ST3GAL2: variants seen among roughly 807,000 people sequenced by gnomAD.
ST3GAL2 encodes the protein CMP-N-acetylneuraminate-beta-galactosamide-alpha-2,3-sialyltransferase 2.
Under a neutral mutation model 37.5 loss-of-function variants are expected in ST3GAL2, and 16 were observed. The ratio of observed to expected loss-of-function variants is 0.43; its 90% CI spans 0.29 to 0.65. The LOEUF (loss-of-function observed/expected upper bound fraction) is 0.65. Among genes scored for constraint, ST3GAL2 ranks in the 30% least tolerant of loss-of-function variants. The pLI, the probability that ST3GAL2 is intolerant of heterozygous loss-of-function variation, is 0.17. For synonymous variants in ST3GAL2, 238 were observed against 202.9 expected (o/e 1.17, Z -1.47); for missense variants, 383 against 487.8 (o/e 0.79, Z 2.02).
chr16:70,420,242 C>A (rs186126474), intron 1 of ST3GAL2, among the ~76,000 whole-genome samples: 29 of 152,082 alleles, frequency 1.9e-4, no homozygotes, highest in Middle Eastern at 3.4e-3. Flanking sequence ...TTGGAGAAAG[C>A]CTTTTGTATG....
chr16:70,412,975 A>C (rs1268000372), intron 1 of ST3GAL2, among the ~76,000 whole-genome samples: 1 of 152,214 alleles, frequency 6.6e-6, no homozygotes, highest in Non-Finnish European at 1.5e-5. Flanking sequence ...GAGGCTGGGC[A>C]CGGTGGCACA....
intron 1 of ST3GAL2, among the ~76,000 whole-genome samples, chr16:70,402,066 G>A (rs1283304741): frequency 9.4e-5 from 14 of 149,074 alleles, no homozygotes; most frequent in African/African-American, 3.2e-4. Flanking sequence ...TTCGGAGGCC[G>A]AGGCGGGTGG....
chr16:70,418,858 G>A lies in ST3GAL2; in HGVS notation c.-1003-19325C>T, dbSNP rs560924793. ...TTCAACCCTCTCCTCCCCCACCCACGCACCTGGGGCAGGAAATCAGCTGGT... is the reference window on the plus strand; with the variant it reads ...TTCAACCCTCTCCTCCCCCACCCACACACCTGGGGCAGGAAATCAGCTGGT... On this transcript the variant is annotated intron_variant, in intron 1 of 6. Transcript: ENST00000342907. 3.3e-5 allele frequency among the ~76,000 whole-genome samples: 5 copies of A among 152,212 alleles called. No homozygotes were observed. The South Asian group carries it at 6.2e-4, about 19-fold the overall frequency.
chr16:70,426,579 T>A lies in ST3GAL2; in HGVS notation c.-1004+12370A>T, dbSNP rs571254786. On this transcript the variant is annotated intron_variant, in intron 1 of 6. Transcript: ENST00000342907. ...TAGACTGGAGTGCAATGGCGCAATC[T>A]CGGCTCACCACAACCTCTGCCTCCC... Among the ~76,000 whole-genome samples, 31 of 150,622 alleles carry A rather than the reference T, an allele frequency of 2.1e-4. No individual in the cohort carries two copies. In the South Asian group the frequency reaches 6.5e-3, roughly 32 times the overall value.
Position 70,382,793 on chromosome 16 carries a change from G to C in ST3GAL2, c.879+12C>G. The C allele has an allele frequency of 6.2e-7, 1 of 1,613,778 alleles. No individual in the cohort carries two copies. The highest frequency in any genetic ancestry group is 1.1e-5 in the South Asian group (1 of 91,038). On this transcript the variant is annotated intron_variant, in intron 6 of 6. Coordinates refer to ENST00000342907, the MANE Select transcript of ST3GAL2 (RefSeq NM_006927.4). Reference sequence around the variant, plus strand: ...CATGGGTTCCCACCACCCACACCACGGGCCTACCCACCTCATCACACACAT... The same window carrying C: ...CATGGGTTCCCACCACCCACACCACCGGCCTACCCACCTCATCACACACAT...
At chr16:70,434,576 CCTG>C (rs1182762774) in intron 1 of ST3GAL2, among the ~76,000 whole-genome samples, 8 of 152,312 alleles carry the variant, frequency 5.3e-5, no homozygotes, top group African/African-American at 1.4e-4. Context: ...CCCAGATCCT[CCTG>C]CTGTCTGTTT....
intron 4 of ST3GAL2, among the ~76,000 whole-genome samples, chr16:70,385,698 CTTT>C (rs1034830291): frequency 6.5e-5 from 6 of 92,210 alleles, no homozygotes; most frequent in Non-Finnish European, 1.2e-4. Flanking sequence ...TTTTTTGGTT[CTTT>C]TTTTTTTTTT....
At chr16:70,395,237 C>T in intron 2 of ST3GAL2, 62 bp from the exon 3 acceptor site, 4 of 1,446,212 alleles carry the variant, frequency 2.8e-6, no homozygotes, top group Non-Finnish European at 3.8e-6. Flanking sequence ...GAAGGAGGGG[C>T]CCCGGCCTCC....
intron 5 of ST3GAL2, 29 bp from the exon 6 acceptor site, chr16:70,382,953 G>T (rs748295404): frequency 5.0e-6 from 8 of 1,608,632 alleles, no homozygotes; most frequent in Non-Finnish European, 6.8e-6. Context: ...ACAGGTATAT[G>T]AGGGGTTTAG....
At chr16:70,405,100 G>A (rs1376897562) in intron 1 of ST3GAL2, among the ~76,000 whole-genome samples, 2 of 150,664 alleles carry the variant, frequency 1.3e-5, no homozygotes, top group African/African-American at 4.9e-5. Flanking sequence ...GTGCCAACAT[G>A]GAAACAACTC....
chr16:70,412,704 G>A (rs2047647291), intron 1 of ST3GAL2, among the ~76,000 whole-genome samples: 1 of 152,092 alleles, frequency 6.6e-6, no homozygotes, highest in Non-Finnish European at 1.5e-5. Flanking sequence ...CCTGTTTGAT[G>A]TTCATGCTGT....
intron 1 of ST3GAL2, among the ~76,000 whole-genome samples, chr16:70,421,888 C>T (rs1303563307): frequency 6.6e-6 from 1 of 152,146 alleles, no homozygotes; most frequent in Non-Finnish European, 1.5e-5. Flanking sequence ...GGCATCCCCA[C>T]CCCATATGTG....
chr16:70,424,364 G>A (rs949806736), intron 1 of ST3GAL2, among the ~76,000 whole-genome samples: 2 of 150,628 alleles, frequency 1.3e-5, no homozygotes, highest in African/African-American at 4.9e-5. Context: ...CACTTTGGGA[G>A]GCCGAGGCAG....
At chr16:70,411,625 G>C (rs2151670170) in intron 1 of ST3GAL2, among the ~76,000 whole-genome samples, 1 of 152,228 alleles carries the variant, frequency 6.6e-6, no homozygotes, top group South Asian at 2.1e-4. Flanking sequence ...CACACTTCTT[G>C]TTATAAACTA....
intron 4 of ST3GAL2, among the ~76,000 whole-genome samples, chr16:70,385,028 G>A (rs947356892): frequency 2.6e-5 from 4 of 151,806 alleles, no homozygotes; most frequent in African/African-American, 9.7e-5. Context: ...CAAACAGGCC[G>A]GGTGCGGTGG....
chr16:70,416,528 C>T (rs1044623347), intron 1 of ST3GAL2, among the ~76,000 whole-genome samples: 2 of 152,152 alleles, frequency 1.3e-5, no homozygotes, highest in Non-Finnish European at 2.9e-5. Context: ...ATATAGGAGG[C>T]ATCAATAAAT....
In ST3GAL2 at chr16:70,399,508, G is replaced by A. The variant is rs144917300; in HGVS notation, c.-978C>T. The stretch of plus-strand genomic sequence containing the variant: ...CCTGGCAGGTTCCCCTTCACATGTC[G>A]GGCGCCAGGCTGCCGCAGCACGACC... On this transcript the variant is annotated 5_prime_UTR_variant, in exon 2 of 7. Coordinates refer to ENST00000342907, the MANE Select transcript of ST3GAL2 (RefSeq NM_006927.4). 5.9e-4 allele frequency: 235 copies of A among 398,284 alleles called. 1 individual carries two copies. Among genetic ancestry groups the A allele is most frequent in the East Asian group, 3.6e-3 (102 of 28,072 alleles). The allele number at this position is 398,284 out of a possible 1,614,324, so 24.7% of individuals were successfully genotyped here. A position where few individuals can be genotyped will look rare whatever the true frequency, so the allele number is the denominator to read the frequency against.
Position 70,398,432 on chromosome 16 carries a change from C to T in ST3GAL2, c.99G>A (p.Thr33=), listed in dbSNP as rs761553275. ...GGGCCCCTGAGTCCAGGTAGGGGAG[C>T]GTGGCCATGCTGTGGTGCGAGTAGG... ...LFTYSHHSMA[T]LPYLDSGALD... is the part of the protein sequence containing the mutation. Residue 33 remains threonine (T), a synonymous_variant, in exon 2 of 7, where the codon ACG becomes ACA. Coordinates refer to ENST00000342907, the MANE Select transcript of ST3GAL2 (RefSeq NM_006927.4). 1 of 1,613,668 alleles carries T rather than the reference C, an allele frequency of 6.2e-7. No homozygotes were observed. Among genetic ancestry groups the T allele is most frequent in the Non-Finnish European group, 8.5e-7 (1 of 1,180,000 alleles).
intron 1 of ST3GAL2, among the ~76,000 whole-genome samples, chr16:70,410,026 C>A (rs1385360034): frequency 4.6e-5 from 7 of 151,684 alleles, no homozygotes; most frequent in African/African-American, 1.5e-4. Flanking sequence ...CGTGGCCTCC[C>A]AAAGAGCTGA....
Sources: gnomAD v4.1 joint callset for allele counts (sites outside exome capture counted in the v4.1 genomes callset) on GRCh38, gnomAD v4.1.1 for gene constraint, MANE v1.5 for transcripts, NCBI Gene and HGNC (gene_info 2026-07-23, HGNC 2026-07-21) for gene names.